UGGT1: variants seen among roughly 807,000 people sequenced by gnomAD.
The protein encoded by UGGT1 is UDP-glucose:glycoprotein glucosyltransferase 1.
A neutral mutation model predicts 203.9 loss-of-function variants in UGGT1; 107 were observed. That is an observed-to-expected ratio of 0.52 (90% confidence interval 0.45 to 0.62). The LOEUF (loss-of-function observed/expected upper bound fraction) is 0.62, where lower values mean the gene tolerates loss of function less well. Among genes scored for constraint, UGGT1 ranks in the 20% least tolerant of loss-of-function variants. The pLI, the probability that UGGT1 is intolerant of heterozygous loss-of-function variation, is 0.00. For missense variants in UGGT1, 1,673 were observed against 1,867.2 expected (o/e 0.90, Z 1.92); for synonymous variants, 628 against 653.5 (o/e 0.96, Z 0.59).
At chr2:128,110,006 T>C (rs1395053069) in intron 5 of UGGT1, among the ~76,000 whole-genome samples, 1 of 152,242 alleles carries the variant, frequency 6.6e-6, no homozygotes, top group Non-Finnish European at 1.5e-5. Context: ...TGTTACTGTT[T>C]AGTAATGACT....
At chr2:128,129,502 A>G (rs1032222314) in intron 13 of UGGT1, among the ~76,000 whole-genome samples, 5 of 151,178 alleles carry the variant, frequency 3.3e-5, no homozygotes, top group Admixed American at 2.6e-4. Context: ...AGGTTCAAGC[A>G]ATTCTCCTGC....
At chr2:128,178,438 G>A (rs1558824038) in intron 33 of UGGT1, 30 bp from the exon 34 acceptor site, 4 of 1,570,536 alleles carry the variant, frequency 2.5e-6, no homozygotes, top group African/African-American at 2.7e-5. Context: ...AGTGTTTCAA[G>A]TGGTCTTTTT....
intron 40 of UGGT1, among the ~76,000 whole-genome samples, chr2:128,189,453 G>A (rs539202405): frequency 2.6e-5 from 4 of 152,304 alleles, no homozygotes; most frequent in South Asian, 2.1e-4. Flanking sequence ...TGCATGCAAC[G>A]TTTACTGAAA....
chr2:128,109,483 A>G, intron 4 of UGGT1, 151 bp from the exon 5 acceptor site: 1 of 643,758 alleles, frequency 1.6e-6, no homozygotes. Context: ...TGGTCTCCCA[A>G]AGTGCTGGGA....
chr2:128,186,387 G>A (rs1015000541), intron 38 of UGGT1, among the ~76,000 whole-genome samples: 9 of 152,160 alleles, frequency 5.9e-5, no homozygotes, highest in African/African-American at 1.7e-4. Flanking sequence ...TGGGTGGATC[G>A]CCTAAGCTCA....
At position 128,153,821 on chromosome 2, in the gene UGGT1, C is replaced by T. The variant is rs573972612; in HGVS notation, c.2137+917C>T. Among the ~76,000 whole-genome samples the T allele has an allele frequency of 1.4e-4, 22 of 152,202 alleles. No individual in the cohort carries two copies. In the East Asian group the frequency reaches 4.0e-3, roughly 28 times the overall value. Reference sequence around the variant, plus strand: ...TGCAATTTGTTCCTTGTGCCTTCCTCGAGATTCTGAGGCCTCTTCAGCAAA... The same window carrying T: ...TGCAATTTGTTCCTTGTGCCTTCCTTGAGATTCTGAGGCCTCTTCAGCAAA... On this transcript the variant is annotated intron_variant, in intron 19 of 40. Transcript: ENST00000259253.
rs1388650062 is a variant in UGGT1 at position 128,191,177 on chromosome 2, A to T, written c.*1435A>T. 2.0e-5 allele frequency: 3 copies of T among 152,238 alleles called. No homozygotes were observed. The highest frequency in any genetic ancestry group is 2.0e-4 in the Admixed American group (3 of 15,278). The allele number at this position is 152,238 out of a possible 1,614,324, so 9.4% of individuals were successfully genotyped here. On this transcript the variant is annotated 3_prime_UTR_variant, in exon 41 of 41. Coordinates refer to ENST00000259253, the MANE Select transcript of UGGT1 (RefSeq NM_020120.4). Reference sequence around the variant, plus strand: ...GCCTGTTTTTAAAAAATACGAGGAGAGGGTGCAGATGGATACTGTGCCCTC... The same window carrying T: ...GCCTGTTTTTAAAAAATACGAGGAGTGGGTGCAGATGGATACTGTGCCCTC...
intron 2 of UGGT1, among the ~76,000 whole-genome samples, chr2:128,099,391 G>A (rs1362095783): frequency 1.3e-5 from 2 of 152,084 alleles, no homozygotes; most frequent in Non-Finnish European, 2.9e-5. Flanking sequence ...TGATCTACCT[G>A]CCTTGGCCTC....
intron 31 of UGGT1, among the ~76,000 whole-genome samples, chr2:128,175,760 AG>A (rs1691338279): frequency 6.6e-6 from 1 of 151,922 alleles, no homozygotes; most frequent in Admixed American, 6.5e-5. Context: ...TCCCCTTCCC[AG>A]GAGCATGGTG....
chr2:128,178,317 T>C, intron 33 of UGGT1, 151 bp from the exon 34 acceptor site: 1 of 675,394 alleles, frequency 1.5e-6, no homozygotes, highest in Non-Finnish European at 2.5e-6. Flanking sequence ...TTGTGGTCTC[T>C]CCAGGGTGTG....
chr2:128,173,630 C>T, intron 29 of UGGT1, 151 bp from the exon 30 acceptor site: 1 of 978,716 alleles, frequency 1.0e-6, no homozygotes. Flanking sequence ...TGCTTTCTGT[C>T]ATTATACTTT....
chr2:128,161,317 C>T (rs1690519750), intron 25 of UGGT1, 49 bp downstream of exon 25: 2 of 1,592,166 alleles, frequency 1.3e-6, no homozygotes, highest in Admixed American at 1.7e-5. Flanking sequence ...ATTGGACTTT[C>T]CTCATTGATC....
chr2:128,111,580 A>C (rs1444233251), intron 5 of UGGT1, among the ~76,000 whole-genome samples: 1 of 151,816 alleles, frequency 6.6e-6, no homozygotes, highest in East Asian at 2.0e-4. Flanking sequence ...ATCTTGGCTC[A>C]CTGCAAGCTC....
intron 16 of UGGT1, among the ~76,000 whole-genome samples, chr2:128,142,145 A>C (rs983926129): frequency 6.6e-6 from 1 of 151,900 alleles, no homozygotes; most frequent in African/African-American, 2.4e-5. Flanking sequence ...CATGTTGGCC[A>C]GGCTGTTCTC....
chr2:128,158,568 A>G (rs1279588063), intron 22 of UGGT1, among the ~76,000 whole-genome samples: 1 of 152,260 alleles, frequency 6.6e-6, no homozygotes, highest in Non-Finnish European at 1.5e-5. Context: ...CTGTAGTATT[A>G]TATCATATGG....
chr2:128,105,049 TA>T (rs1284679747), intron 3 of UGGT1, among the ~76,000 whole-genome samples: 2 of 151,344 alleles, frequency 1.3e-5, no homozygotes, highest in African/African-American at 4.8e-5. Flanking sequence ...ATTTAATTAT[TA>T]TTTTTTTAAT....
intron 24 of UGGT1, 64 bp downstream of exon 24, chr2:128,160,655 T>A (rs1416110507): frequency 1.3e-6 from 2 of 1,542,280 alleles, no homozygotes; most frequent in Non-Finnish European, 1.7e-6. Flanking sequence ...CATTCTCCTC[T>A]GAAGCTAGTA....
At position 128,178,569 on chromosome 2, in the gene UGGT1, G is replaced by A. The variant is rs754796580; in HGVS notation, c.3815G>A (p.Arg1272His). 5 of 1,607,042 alleles carry A rather than the reference G, an allele frequency of 3.1e-6. No homozygotes were observed. The highest frequency in any genetic ancestry group is 1.1e-5 in the South Asian group (1 of 90,368). The change falls in exon 34 of 41, where the codon CGC becomes CAC. Residue 1272 changes from arginine (R) to histidine (H), a missense_variant and splice_region_variant. This residue lies in a region of UGGT1 where 513 missense variants were observed against 684.1 expected (regional missense o/e 0.75). Transcript: ENST00000259253. ...ASGHLYERFL[R>H]IMMLSVLKNT... ...GGTCATCTCTACGAAAGATTTCTTC[G>A]GTCAGTCTTGTTGATTATTTCATTA...
Position 128,170,305 on chromosome 2 carries a change from C to G in UGGT1, c.2939C>G (p.Pro980Arg), listed in dbSNP as rs150180993. 31 of 1,613,992 alleles carry G rather than the reference C, an allele frequency of 1.9e-5. No homozygotes were observed. Among genetic ancestry groups the G allele is most frequent in the Non-Finnish European group, 2.5e-5 (30 of 1,180,002 alleles). The change falls in exon 27 of 41, where the codon CCG becomes CGG. Residue 980 changes from proline (P) to arginine (R), a missense_variant. Pro to Arg is a moderately radical substitution (Grantham distance 103). Transcript: ENST00000259253. Reference sequence around the variant, plus strand: ...TCTTTCAGTGCAATCAAACTGAGGCCGAAGGAAGGGGAGACATACTTTGAT... The same window carrying G: ...TCTTTCAGTGCAATCAAACTGAGGCGGAAGGAAGGGGAGACATACTTTGAT... The part of the protein sequence containing the change: ...EDRHSAIKLR[P>R]KEGETYFDVV...
Sources: gnomAD v4.1 joint callset for allele counts (sites outside exome capture counted in the v4.1 genomes callset) on GRCh38, gnomAD v4.1.1 for gene constraint, gnomAD v4.1.1 regional missense constraint, MANE v1.5 for transcripts, NCBI Gene and HGNC (gene_info 2026-07-23, HGNC 2026-07-21) for gene names.